CACNA1B: variants seen among roughly 807,000 people sequenced by gnomAD.
The protein encoded by CACNA1B is voltage-dependent N-type calcium channel subunit alpha-1B.
A neutral mutation model predicts 247.2 loss-of-function variants in CACNA1B; 70 were observed. That is an observed-to-expected ratio of 0.28 (90% CI 0.23 to 0.35). The LOEUF (loss-of-function observed/expected upper bound fraction) is 0.35, where lower values mean the gene tolerates loss of function less well. Ranked by LOEUF, CACNA1B falls within the 10% of genes least tolerant of loss-of-function variation. CACNA1B has a pLI of 1.00. For missense variants in CACNA1B, 2,367 were observed against 3,197.4 expected (o/e 0.74, Z 6.26); for synonymous variants, 1,231 against 1,294.4 (o/e 0.95, Z 1.05).
intron 12 of CACNA1B, among the ~76,000 whole-genome samples, chr9:137,980,738 C>T (rs1958284474): frequency 6.6e-6 from 1 of 152,172 alleles, no homozygotes; most frequent in East Asian, 1.9e-4. Flanking sequence ...TGTTTAGCTC[C>T]CACTTGTGAG....
At chr9:138,085,902 G>C (rs974931612) in intron 36 of CACNA1B, among the ~76,000 whole-genome samples, 5 of 151,246 alleles carry the variant, frequency 3.3e-5, no homozygotes, top group Non-Finnish European at 7.4e-5. Context: ...ACACAAGGGA[G>C]TCCTACATCT....
At chr9:138,036,196 G>A (rs776536782) in intron 20 of CACNA1B, among the ~76,000 whole-genome samples, 6 of 151,934 alleles carry the variant, frequency 3.9e-5, no homozygotes, top group Non-Finnish European at 7.4e-5. Flanking sequence ...CTGGAGTGCA[G>A]TGGCGCAATC....
intron 3 of CACNA1B, among the ~76,000 whole-genome samples, chr9:137,894,302 A>AC (rs1957145715): frequency 1.0e-5 from 1 of 96,074 alleles, no homozygotes; most frequent in Non-Finnish European, 2.3e-5. Flanking sequence ...TTGTCTCTGT[A>AC]TTTTTTTTTT....
chr9:138,057,128 G>A lies in CACNA1B; in HGVS notation c.3969-604G>A, dbSNP rs1959536532. ...TTATTTTTGTATTTTTAGTAGAGAC[G>A]GGGGTTCACCATGTTAGCCAGGATG... On this transcript the variant is annotated intron_variant, in intron 26 of 46. Transcript: ENST00000371372. This position sits in a 1 kb window ranked among gnomAD's most constrained non-coding sequence, Gnocchi z 4.0. Among the ~76,000 whole-genome samples the A allele has an allele frequency of 6.6e-6, 1 of 151,808 alleles. No homozygotes were observed. The highest frequency in any genetic ancestry group is 2.1e-4 in the South Asian group (1 of 4,808).
chr9:138,065,996 G>T (rs1054586875), intron 31 of CACNA1B, among the ~76,000 whole-genome samples: 2 of 152,112 alleles, frequency 1.3e-5, no homozygotes, highest in African/African-American at 4.8e-5. Context: ...CCTTAGAGTC[G>T]GCTTCCAAGG....
At chr9:138,112,277 T>C in intron 39 of CACNA1B, 121 bp from the exon 40 acceptor site, 1 of 696,312 alleles carries the variant, frequency 1.4e-6, no homozygotes, top group Non-Finnish European at 2.6e-6. Context: ...GCACCGTCTG[T>C]ACCCCATCTC....
chr9:138,037,457 G>A (rs1006675407), intron 20 of CACNA1B, among the ~76,000 whole-genome samples: 4 of 152,124 alleles, frequency 2.6e-5, no homozygotes, highest in East Asian at 1.9e-4. Flanking sequence ...TCAGGCATTC[G>A]AGACCAACCT....
intron 31 of CACNA1B, among the ~76,000 whole-genome samples, chr9:138,067,720 C>G (rs1029152439): frequency 6.6e-6 from 1 of 152,314 alleles, no homozygotes; most frequent in South Asian, 2.1e-4. Context: ...AACCAGAACT[C>G]TGGCACTGCT....
At chr9:137,900,173 G>T (rs1479943374) in intron 3 of CACNA1B, among the ~76,000 whole-genome samples, 1 of 152,218 alleles carries the variant, frequency 6.6e-6, no homozygotes, top group African/African-American at 2.4e-5. Context: ...CTGTGGAAAG[G>T]CAGGGTGCCC....
Position 137,986,429 on chromosome 9 carries a change from C to T in CACNA1B, c.1786C>T (p.Arg596Trp). The change falls in exon 14 of 47, where the codon CGG (arginine) becomes TGG (tryptophan). Residue 596 changes from arginine (R) to tryptophan (W), a missense_variant. Coordinates refer to ENST00000371372, the MANE Select transcript of CACNA1B (RefSeq NM_000718.4). The surrounding 1 kb of genome is among the most constrained non-coding windows in gnomAD (Gnocchi z 6.0). ...GCCCCGCAGGTACTGGAGCTCCCTG[C>T]GGAACCTGGTGGTGTCCCTGCTGAA... The part of the protein sequence containing the change: ...FKVTKYWSSL[R>W]NLVVSLLNSM... 2.5e-6 allele frequency: 4 copies of T among 1,613,750 alleles called. No homozygotes were observed. The highest frequency in any genetic ancestry group is 3.4e-6 in the Non-Finnish European group (4 of 1,179,760).
intron 15 of CACNA1B, among the ~76,000 whole-genome samples, chr9:137,993,043 G>C (rs1958451519): frequency 6.6e-6 from 1 of 152,164 alleles, no homozygotes; most frequent in African/African-American, 2.4e-5. Context: ...GCAGTGCTAA[G>C]AGGAAAGTTC....
intron 6 of CACNA1B, among the ~76,000 whole-genome samples, chr9:137,925,940 G>A (rs145391086): frequency 7.1e-6 from 1 of 141,038 alleles, no homozygotes; most frequent in Non-Finnish European, 1.5e-5. Context: ...TTTTTTAGTA[G>A]AGACGGGATT....
At chr9:137,965,134 G>A (rs1958059933) in intron 10 of CACNA1B, among the ~76,000 whole-genome samples, 1 of 152,252 alleles carries the variant, frequency 6.6e-6, no homozygotes, top group African/African-American at 2.4e-5. Flanking sequence ...GAGGTGGCTG[G>A]AGACCCCAGT....
intron 19 of CACNA1B, 31 bp downstream of exon 19, chr9:138,023,842 G>C: frequency 8.8e-7 from 1 of 1,136,784 alleles, no homozygotes; most frequent in Non-Finnish European, 1.3e-6. Flanking sequence ...GGTCAGGGAG[G>C]GAAGGGTTGG....
intron 13 of CACNA1B, among the ~76,000 whole-genome samples, chr9:137,985,818 C>T (rs1178896892): frequency 1.3e-5 from 2 of 152,238 alleles, no homozygotes; most frequent in Non-Finnish European, 2.9e-5. Flanking sequence ...GGCACGGTCA[C>T]TGCCCTCTGG....
intron 18 of CACNA1B, among the ~76,000 whole-genome samples, chr9:138,016,230 A>G (rs932470653): frequency 3.3e-5 from 5 of 152,254 alleles, no homozygotes; most frequent in Non-Finnish European, 7.3e-5. Context: ...GTTTGAAGCC[A>G]GAGCCTGTGG....
intron 7 of CACNA1B, among the ~76,000 whole-genome samples, chr9:137,953,525 G>T (rs1341143238): frequency 6.6e-6 from 1 of 152,120 alleles, no homozygotes; most frequent in Non-Finnish European, 1.5e-5. Context: ...GTCATTAGCA[G>T]GCCTCTCCAA....
rs41290003 is a variant in CACNA1B, at chr9:138,121,868, G to A, written c.6889G>A (p.Val2297Met). The A allele has an allele frequency of 1.8e-3, 2,831 of 1,613,242 alleles. 7 individuals are homozygous for A. Among genetic ancestry groups the A allele is most frequent in the South Asian group, 4.4e-3 (397 of 91,078 alleles). Residue 2297 changes from valine to methionine, a missense_variant, in exon 47 of 47, where the codon GTG becomes ATG. Coordinates refer to ENST00000371372, the MANE Select transcript of CACNA1B (RefSeq NM_000718.4). The surrounding 1 kb of genome is among the most constrained non-coding windows in gnomAD (Gnocchi z 6.8). ...NSGRSSRTSY[V>M]SSLTSQSHPL... ...GGGCCGCTCCTCCAGGACTTCCTACGTGTCCTCCCTGACCTCCCAGTCTCA... is the reference window on the plus strand; with the variant it reads ...GGGCCGCTCCTCCAGGACTTCCTACATGTCCTCCCTGACCTCCCAGTCTCA...
At chr9:138,006,425 C>T (rs1009455020) in intron 15 of CACNA1B, among the ~76,000 whole-genome samples, 4 of 152,166 alleles carry the variant, frequency 2.6e-5, no homozygotes, top group Non-Finnish European at 5.9e-5. Context: ...ACGTGGATGG[C>T]GCTGTTTCGT....
Sources: gnomAD v4.1 joint callset for allele counts (sites outside exome capture counted in the v4.1 genomes callset) on GRCh38, gnomAD v4.1.1 for gene constraint, Gnocchi (gnomAD v3.1) non-coding constraint, MANE v1.5 for transcripts, NCBI Gene and HGNC (gene_info 2026-07-23, HGNC 2026-07-21) for gene names.